VSTM5: variants seen among roughly 807,000 people sequenced by gnomAD.
VSTM5 encodes the protein V-set and transmembrane domain-containing protein 5.
A neutral mutation model predicts 20.3 loss-of-function variants in VSTM5; 21 were observed. The ratio of observed to expected loss-of-function variants is 1.03; its 90% confidence interval spans 0.73 to 1.49. The LOEUF is 1.49. Among genes scored for constraint, VSTM5 ranks in the 40% most tolerant of loss-of-function variants. The pLI is 0.00. For synonymous variants in VSTM5, 100 were observed against 102.5 expected (o/e 0.98, Z 0.14); for missense variants, 219 against 250.0 (o/e 0.88, Z 0.84).
At chr11:93,850,359 C>A in intron 1 of VSTM5, 53 bp downstream of exon 1, 2 of 1,455,326 alleles carry the variant, frequency 1.4e-6, no homozygotes, top group Non-Finnish European at 1.9e-6. Context: ...CCCGCCCGTG[C>A]CCCCCTACCC....
chr11:93,835,821 A>G (rs1435760051), intron 1 of VSTM5, among the ~76,000 whole-genome samples: 1 of 152,250 alleles, frequency 6.6e-6, no homozygotes, highest in Non-Finnish European at 1.5e-5. Context: ...GGTAACACCT[A>G]TTGGCTCCAG....
chr11:93,820,946 T>C (rs369299416), intron 2 of VSTM5, 51 bp downstream of exon 2: 1 of 1,550,466 alleles, frequency 6.4e-7, no homozygotes, highest in African/African-American at 1.4e-5. Flanking sequence ...GAAATTGGCC[T>C]CCCACACATT....
At position 93,820,378 on chromosome 11, in the gene VSTM5, C is replaced by G. The variant is rs549380569; in HGVS notation, c.*191G>C. ...ATCACTCTTCTCCTTGAACTTAGCGCGAGTCCTAATACTAGCTTTGTCCCA... is the reference window on the plus strand; with the variant it reads ...ATCACTCTTCTCCTTGAACTTAGCGGGAGTCCTAATACTAGCTTTGTCCCA... On this transcript the variant is annotated 3_prime_UTR_variant, in exon 4 of 4. Transcript: ENST00000409977. 3 of 618,528 alleles carry G rather than the reference C, an allele frequency of 4.9e-6. No homozygotes were observed. The highest frequency in any genetic ancestry group is 1.9e-5 in the African/African-American group (1 of 53,942). 38.3% of individuals were successfully genotyped at this position (618,528 alleles called of 1,614,324 possible).
intron 1 of VSTM5, among the ~76,000 whole-genome samples, chr11:93,838,107 G>A (rs1052873242): frequency 3.3e-5 from 5 of 152,174 alleles, no homozygotes; most frequent in African/African-American, 7.2e-5. Context: ...GGCTGCACAC[G>A]CTATAGCTGG....
At chr11:93,823,220 G>A (rs890779719) in intron 1 of VSTM5, among the ~76,000 whole-genome samples, 1 of 149,412 alleles carries the variant, frequency 6.7e-6, no homozygotes, top group African/African-American at 2.5e-5. Flanking sequence ...TTTTTTGGTA[G>A]AGATGAGGTC....
chr11:93,839,333 C>A (rs1377956240), intron 1 of VSTM5, among the ~76,000 whole-genome samples: 1 of 152,132 alleles, frequency 6.6e-6, no homozygotes, highest in Non-Finnish European at 1.5e-5. Flanking sequence ...GAGCTGCTGC[C>A]GTGGACACAT....
chr11:93,823,078 A>G lies in VSTM5; in HGVS notation c.92-1755T>C, dbSNP rs1944203121. Among the ~76,000 whole-genome samples the G allele has an allele frequency of 2.0e-5, 3 of 152,358 alleles. No individual in the cohort carries two copies. In the Middle Eastern group the frequency reaches 0.01, roughly 518 times the overall value. ...GGTTACTTTGGCCCAAGAAACTGCA[A>G]AACTAAAAAATAAATAAAAATAACA... On this transcript the variant is annotated intron_variant, in intron 1 of 3. Coordinates refer to ENST00000409977, the MANE Select transcript of VSTM5 (RefSeq NM_001144871.2).
chr11:93,830,047 C>T (rs1250093303), intron 1 of VSTM5, among the ~76,000 whole-genome samples: 1 of 152,038 alleles, frequency 6.6e-6, no homozygotes, highest in East Asian at 1.9e-4. Flanking sequence ...ACTAGGACGA[C>T]CCAGGAAGGC....
chr11:93,838,567 A>C (rs955738028), intron 1 of VSTM5, among the ~76,000 whole-genome samples: 1 of 150,572 alleles, frequency 6.6e-6, no homozygotes, highest in African/African-American at 2.4e-5. Flanking sequence ...CGAGGTGGGC[A>C]GATCACTTGA....
chr11:93,849,392 A>C (rs1944439365), intron 1 of VSTM5, among the ~76,000 whole-genome samples: 1 of 152,182 alleles, frequency 6.6e-6, no homozygotes, highest in South Asian at 2.1e-4. Flanking sequence ...CCTGGACTCA[A>C]GGGATCCGCT....
chr11:93,830,835 C>A (rs1210222249), intron 1 of VSTM5, among the ~76,000 whole-genome samples: 1 of 151,632 alleles, frequency 6.6e-6, no homozygotes, highest in Non-Finnish European at 1.5e-5. Flanking sequence ...CTCACTGCAA[C>A]CTCTGCGTCC....
chr11:93,832,010 T>C (rs934436055), intron 1 of VSTM5, among the ~76,000 whole-genome samples: 5 of 152,186 alleles, frequency 3.3e-5, no homozygotes, highest in African/African-American at 1.2e-4. Context: ...AATATTTAAA[T>C]AGCACATACC....
At chr11:93,841,568 C>T (rs376110495) in intron 1 of VSTM5, among the ~76,000 whole-genome samples, 6 of 152,196 alleles carry the variant, frequency 3.9e-5, no homozygotes, top group South Asian at 2.1e-4. Flanking sequence ...TTGCAGGGCC[C>T]GGTCTCCAGT....
intron 1 of VSTM5, among the ~76,000 whole-genome samples, chr11:93,837,839 A>AT (rs1415507212): frequency 6.6e-6 from 1 of 152,188 alleles, no homozygotes; most frequent in East Asian, 1.9e-4. Flanking sequence ...AAACACACCC[A>AT]TAAAAAAAGG....
intron 1 of VSTM5, among the ~76,000 whole-genome samples, 160 bp downstream of exon 1, chr11:93,850,252 G>A (rs1380617532): frequency 2.0e-5 from 3 of 152,082 alleles, no homozygotes; most frequent in South Asian, 2.1e-4. Flanking sequence ...CCAGCCCCAC[G>A]AGGAAGCGGC....
intron 1 of VSTM5, among the ~76,000 whole-genome samples, chr11:93,840,491 A>G (rs1944362069): frequency 6.6e-6 from 1 of 152,246 alleles, no homozygotes. Context: ...CCAAAGAACT[A>G]TGTGAAAGAG....
intron 1 of VSTM5, among the ~76,000 whole-genome samples, chr11:93,828,802 A>G (rs967008669): frequency 6.6e-6 from 1 of 152,170 alleles, no homozygotes; most frequent in Non-Finnish European, 1.5e-5. Flanking sequence ...TAGGTCTCAG[A>G]GCCTAAGATT....
At chr11:93,823,334 A>C (rs1944205641) in intron 1 of VSTM5, among the ~76,000 whole-genome samples, 1 of 152,084 alleles carries the variant, frequency 6.6e-6, no homozygotes, top group Non-Finnish European at 1.5e-5. Flanking sequence ...AACTTCTTTA[A>C]AAATTTTTTT....
At chr11:93,846,222 CAA>C (rs1944409503) in intron 1 of VSTM5, among the ~76,000 whole-genome samples, 2 of 146,224 alleles carry the variant, frequency 1.4e-5, no homozygotes, top group African/African-American at 2.5e-5. Context: ...TGTTTTTTCC[CAA>C]AGAGTCTTAC....
Sources: gnomAD v4.1 joint callset for allele counts (sites outside exome capture counted in the v4.1 genomes callset) on GRCh38, gnomAD v4.1.1 for gene constraint, MANE v1.5 for transcripts, NCBI Gene and HGNC (gene_info 2026-07-23, HGNC 2026-07-21) for gene names.